The following DNM3 variants were observed in gnomAD, a reference collection of about 807,000 sequenced individuals.
The protein encoded by DNM3 is dynamin-3.
In DNM3, 47 loss-of-function variants were observed where a neutral mutation model predicts 101.6. The observed-to-expected ratio is 0.46, with a 90% CI of 0.37 to 0.59. The LOEUF (loss-of-function observed/expected upper bound fraction) is 0.59. DNM3 is among the 20% of genes least tolerant of loss of function. The pLI, the probability that DNM3 is intolerant of heterozygous loss-of-function variation, is 0.00. For synonymous variants in DNM3, 385 were observed against 387.9 expected (o/e 0.99, Z 0.09); for missense variants, 849 against 1,085.7 (o/e 0.78, Z 3.06).
In DNM3 at chr1:172,081,819, C is replaced by G. The variant is rs1356305013; in HGVS notation, c.1423-13C>G. On this transcript the variant is annotated splice_polypyrimidine_tract_variant and intron_variant, in intron 11 of 20. Coordinates refer to ENST00000627582, the MANE Select transcript of DNM3 (RefSeq NM_015569.5). ...GATGGGTTTTCACTGAAGTGTTTCT[C>G]TTTGACTTATAGGTATTGCTATTGA... 6.2e-7 allele frequency: 1 copy of G among 1,607,138 alleles called. No homozygotes were observed. The highest frequency in any genetic ancestry group is 1.1e-5 in the South Asian group (1 of 89,356).
intron 14 of DNM3, chr1:172,139,092 T>C (rs2057421025): frequency 2.9e-6 from 1 of 345,022 alleles, no homozygotes; most frequent in Non-Finnish European, 5.7e-6. Flanking sequence ...TATACATTTG[T>C]TCCAAATGTG....
chr1:172,209,520 C>T (rs1319481987), intron 14 of DNM3, among the ~76,000 whole-genome samples: 1 of 151,852 alleles, frequency 6.6e-6, no homozygotes, highest in African/African-American at 2.4e-5. Flanking sequence ...TCAAGAACTA[C>T]CCTGGATAGA....
At chr1:172,307,002 A>G (rs1182417920) in intron 15 of DNM3, among the ~76,000 whole-genome samples, 1 of 152,104 alleles carries the variant, frequency 6.6e-6, no homozygotes, top group African/African-American at 2.4e-5. Flanking sequence ...AAAAGCAACC[A>G]CAACAAAAGC....
chr1:172,165,607 C>T (rs2058716603), intron 14 of DNM3, among the ~76,000 whole-genome samples: 1 of 151,942 alleles, frequency 6.6e-6, no homozygotes, highest in Non-Finnish European at 1.5e-5. Flanking sequence ...AGGGATTTCC[C>T]CTTCTACCTC....
At chr1:171,909,165 G>A (rs2039078341) in intron 1 of DNM3, among the ~76,000 whole-genome samples, 1 of 152,076 alleles carries the variant, frequency 6.6e-6, no homozygotes, top group Admixed American at 6.6e-5. Context: ...TGGTGGCTGG[G>A]CATTGTGGCT....
Position 172,001,364 on chromosome 1 carries a change from C to T in DNM3, c.589+12216C>T, listed in dbSNP as rs182001227. 4.6e-5 allele frequency among the ~76,000 whole-genome samples: 7 copies of T among 152,070 alleles called. No homozygotes were observed. The East Asian group carries it at 7.8e-4, about 17-fold the overall frequency. ...AGATATTGCTATACCCTGGCTGAACCGTTCACCCTTGAGAGACATTCACAT... is the reference window on the plus strand; with the variant it reads ...AGATATTGCTATACCCTGGCTGAACTGTTCACCCTTGAGAGACATTCACAT... On this transcript the variant is annotated intron_variant, in intron 4 of 20. Coordinates refer to ENST00000627582, the MANE Select transcript of DNM3 (RefSeq NM_015569.5).
chr1:172,042,881 T>C (rs1233564279), intron 8 of DNM3, among the ~76,000 whole-genome samples: 1 of 152,172 alleles, frequency 6.6e-6, no homozygotes, highest in Non-Finnish European at 1.5e-5. Flanking sequence ...GTGACTTGAT[T>C]TGTTGATGAT....
intron 1 of DNM3, among the ~76,000 whole-genome samples, chr1:171,890,648 A>G (rs1019848968): frequency 2.6e-5 from 4 of 152,146 alleles, no homozygotes; most frequent in African/African-American, 9.7e-5. Context: ...TTCCTGAAAA[A>G]TGTATTTGAG....
At chr1:172,255,248 A>C (rs911848087) in intron 15 of DNM3, among the ~76,000 whole-genome samples, 1 of 152,156 alleles carries the variant, frequency 6.6e-6, no homozygotes, top group African/African-American at 2.4e-5. Flanking sequence ...CACTGAAAAT[A>C]ATAAAGAATA....
chr1:172,080,339 G>T (rs1296993406), intron 11 of DNM3, among the ~76,000 whole-genome samples: 3 of 152,116 alleles, frequency 2.0e-5, no homozygotes, highest in Non-Finnish European at 4.4e-5. Flanking sequence ...GAGGAACCTA[G>T]GGAGGCAGTC....
intron 10 of DNM3, among the ~76,000 whole-genome samples, chr1:172,057,762 A>G (rs1048087772): frequency 1.6e-4 from 25 of 151,912 alleles, no homozygotes; most frequent in African/African-American, 6.0e-4. Flanking sequence ...AAAGACCATC[A>G]AGACTGGGAA....
intron 14 of DNM3, among the ~76,000 whole-genome samples, chr1:172,180,974 G>A (rs1225649914): frequency 6.6e-6 from 1 of 151,974 alleles, no homozygotes; most frequent in East Asian, 1.9e-4. Context: ...TTCTTTTGTT[G>A]TCAACTGGCA....
At chr1:172,106,844 ATTCTT>A (rs2055061324) in intron 13 of DNM3, among the ~76,000 whole-genome samples, 1 of 51,046 alleles carries the variant, frequency 2.0e-5, no homozygotes, top group Non-Finnish European at 4.1e-5. Context: ...AGGTAACATT[ATTCTT>A]TTTTTTTTTT....
intron 1 of DNM3, among the ~76,000 whole-genome samples, chr1:171,919,808 G>A: frequency 6.6e-6 from 1 of 152,092 alleles, no homozygotes; most frequent in East Asian, 1.9e-4. Context: ...GAACTCCAAT[G>A]TAGTTTATCT....
At chr1:172,225,376 C>A (rs563357348) in intron 14 of DNM3, among the ~76,000 whole-genome samples, 1 of 151,916 alleles carries the variant, frequency 6.6e-6, no homozygotes, top group African/African-American at 2.4e-5. Flanking sequence ...ACCTCATGAT[C>A]CACCTGCCTC....
At chr1:172,057,094 G>A (rs944247840) in intron 10 of DNM3, among the ~76,000 whole-genome samples, 9 of 152,098 alleles carry the variant, frequency 5.9e-5, no homozygotes, top group Non-Finnish European at 5.9e-5. Flanking sequence ...AAGGGTATCA[G>A]CAATGGAAGA....
intron 14 of DNM3, among the ~76,000 whole-genome samples, chr1:172,134,739 A>G (rs969507268): frequency 6.6e-6 from 1 of 152,168 alleles, no homozygotes; most frequent in South Asian, 2.1e-4. Context: ...AAATAAAGCC[A>G]GTGATGAGTT....
intron 18 of DNM3, among the ~76,000 whole-genome samples, chr1:172,386,380 C>T (rs970826644): frequency 6.6e-6 from 1 of 152,078 alleles, no homozygotes; most frequent in African/African-American, 2.4e-5. Flanking sequence ...CATATTCATC[C>T]TCTCCATTTT....
Position 172,035,272 on chromosome 1 carries a change from T to C in DNM3, c.849+2007T>C, listed in dbSNP as rs1326962417. Among the ~76,000 whole-genome samples the C allele has an allele frequency of 3.9e-5, 6 of 152,246 alleles. No homozygotes were observed. The East Asian group carries it at 7.7e-4, about 20-fold the overall frequency. ...TGGACATGTTGAGCTTGAGATATCATTGACACATCCAAGAGGAGAAGTCAA... is the reference window on the plus strand; with the variant it reads ...TGGACATGTTGAGCTTGAGATATCACTGACACATCCAAGAGGAGAAGTCAA... On this transcript the variant is annotated intron_variant, in intron 6 of 20. Coordinates refer to ENST00000627582, the MANE Select transcript of DNM3 (RefSeq NM_015569.5).
Sources: allele counts gnomAD v4.1 joint callset (sites outside exome capture counted in the v4.1 genomes callset), GRCh38; gene constraint gnomAD v4.1.1; transcripts MANE v1.5; gene names NCBI Gene and HGNC (gene_info 2026-07-23, HGNC 2026-07-21).